Variants in FAM120B observed in about 807,000 individuals in gnomAD.
The protein encoded by FAM120B is family with sequence similarity 120 member B.
In FAM120B, 83 loss-of-function variants were observed where a neutral mutation model predicts 96.3. The observed-to-expected ratio is 0.86, with a 90% CI of 0.72 to 1.03. The LOEUF (loss-of-function observed/expected upper bound fraction) is 1.03, where lower values mean the gene tolerates loss of function less well. FAM120B is among the 50% of genes least tolerant of loss of function. The probability of loss-of-function intolerance (pLI) is 0.00; values close to 1 mark genes in which losing one functional copy is unlikely to be tolerated. For missense variants in FAM120B, 1,027 were observed against 1,121.2 expected, an observed-to-expected ratio of 0.92 and a Z score of 1.20; for synonymous variants, 407 against 402.7, an observed-to-expected ratio of 1.01 and a Z score of -0.13.
At position 170,317,573 on chromosome 6, in the gene FAM120B, T is replaced by C. The variant is rs1268925835; in HGVS notation, c.183T>C (p.Gly61=). 6.2e-7 allele frequency: 1 copy of C among 1,614,208 alleles called. No individual in the cohort carries two copies. The highest frequency in any genetic ancestry group is 1.1e-5 in the South Asian group (1 of 91,084). ...ATACTCCAGAATCTTGGATCTGCGG[T>C]GGCCAGTGGCGAGAATACTTTTCTG... is the stretch of plus-strand genomic sequence containing the variant. The part of the protein sequence containing the change: ...YWYTPESWIC[G]GQWREYFSAL... Residue 61 remains glycine, a synonymous_variant, in exon 2 of 11, where the codon GGT becomes GGC. Transcript: ENST00000476287.
intron 4 of FAM120B, among the ~76,000 whole-genome samples, chr6:170,332,515 T>C (rs1374393777): frequency 6.6e-6 from 1 of 152,166 alleles, no homozygotes; most frequent in African/African-American, 2.4e-5. Context: ...CTGGCTAACA[T>C]GGTGAAACCT....
chr6:170,401,543 G>A (rs116000860), intron 9 of FAM120B, among the ~76,000 whole-genome samples: 2,343 of 152,228 alleles, frequency 0.015, 63 homozygotes, highest in African/African-American at 0.053. Context: ...AGCAAAGGCC[G>A]CTGTCCCCTG....
At chr6:170,358,083 GGTGCCTGTGCGT>G (rs1406666799) in intron 5 of FAM120B, 131 bp from the exon 6 acceptor site, 2 of 655,130 alleles carry the variant, frequency 3.1e-6, no homozygotes, top group Admixed American at 2.4e-5. Flanking sequence ...TGCACATGTG[GGTGCCTGTGCGT>G]GTGCCTGTAC....
At chr6:170,366,232 A>G (rs1467247852) in intron 6 of FAM120B, among the ~76,000 whole-genome samples, 2 of 152,174 alleles carry the variant, frequency 1.3e-5, no homozygotes, top group East Asian at 1.9e-4. Flanking sequence ...AAGGGAAGCA[A>G]AGGCCTCCCC....
upstream of FAM120B, among the ~76,000 whole-genome samples, chr6:170,294,183 C>CGGCT (rs1470773647): frequency 6.6e-6 from 1 of 152,194 alleles, no homozygotes; most frequent in Non-Finnish European, 1.5e-5. This position sits in a 1 kb window ranked among gnomAD's most constrained non-coding sequence, Gnocchi z 7.9. Flanking sequence ...GTGTTGGCCC[C>CGGCT]GGCTGCCGGA....
chr6:170,330,872 C>T (rs192397108), intron 4 of FAM120B: 1 of 276,884 alleles, frequency 3.6e-6, no homozygotes, highest in African/African-American at 2.2e-5. Context: ...GCCGCAGCCC[C>T]AGTGCCTGAT....
At chr6:170,341,631 C>T (rs914032869) in intron 4 of FAM120B, among the ~76,000 whole-genome samples, 2 of 152,160 alleles carry the variant, frequency 1.3e-5, no homozygotes, top group Non-Finnish European at 2.9e-5. Context: ...GGTGTAGACA[C>T]ACAAGGGAAT....
At chr6:170,369,294 G>A (rs760418494) in intron 6 of FAM120B, among the ~76,000 whole-genome samples, 4 of 152,182 alleles carry the variant, frequency 2.6e-5, no homozygotes, top group Admixed American at 6.5e-5. Context: ...TTGTGGCTGC[G>A]TTTGAACCTA....
chr6:170,312,764 A>G (rs967125088), intron 1 of FAM120B, among the ~76,000 whole-genome samples: 13 of 152,196 alleles, frequency 8.5e-5, no homozygotes, highest in African/African-American at 1.7e-4. Context: ...ACTCAAGACT[A>G]TTGCAGTGAA....
Position 170,300,076 on chromosome 6 carries a change from G to A in FAM120B, c.48+4623G>A, listed in dbSNP as rs192079197. On this transcript the variant is annotated intron_variant, in intron 1 of 10. Transcript: ENST00000537664. Reference sequence around the variant, plus strand: ...TTTTTGTCTTTCCTAATTTTTGGACGGTCAATTGTTACCTGTATTAGTCTG... The same window carrying A: ...TTTTTGTCTTTCCTAATTTTTGGACAGTCAATTGTTACCTGTATTAGTCTG... Among the ~76,000 whole-genome samples the A allele has an allele frequency of 2.5e-3, 386 of 152,244 alleles. 3 individuals carry two copies. Among genetic ancestry groups the A allele is most frequent in the Non-Finnish European group, 4.1e-3 (279 of 68,022 alleles).
chr6:170,314,265 G>C (rs993967637), intron 1 of FAM120B, among the ~76,000 whole-genome samples: 3 of 152,220 alleles, frequency 2.0e-5, no homozygotes, highest in Non-Finnish European at 4.4e-5. Flanking sequence ...TGAGGGCAGT[G>C]ATTCTACTTT....
chr6:170,365,900 C>T (rs899863523), intron 6 of FAM120B, among the ~76,000 whole-genome samples: 1 of 152,126 alleles, frequency 6.6e-6, no homozygotes, highest in East Asian at 1.9e-4. Context: ...CCATCACCAT[C>T]GGGTGGGGTG....
intron 5 of FAM120B, among the ~76,000 whole-genome samples, chr6:170,349,411 C>T (rs1374070974): frequency 2.0e-5 from 3 of 152,164 alleles, no homozygotes; most frequent in African/African-American, 7.2e-5. Context: ...AAGAAATGTA[C>T]TCTTATTGTA....
rs562786584 is a variant in FAM120B, at chr6:170,331,370, T to C, written c.2017+820T>C. On this transcript the variant is annotated intron_variant, in intron 4 of 10. Coordinates refer to ENST00000476287, the MANE Select transcript of FAM120B (RefSeq NM_032448.3). ...TACTATTTTCCATGACATGAACGTG[T>C]AATTTACCAAGTACAGATCTGAGCA... Among the ~76,000 whole-genome samples the C allele has an allele frequency of 3.9e-5, 6 of 152,376 alleles. No homozygotes were observed. In the South Asian group the frequency reaches 1.2e-3, roughly 32 times the overall value.
Position 170,318,859 on chromosome 6 carries a change from A to G in FAM120B, c.1469A>G (p.Asp490Gly). The change falls in exon 2 of 11, where the codon GAC becomes GGC. Residue 490 changes from aspartate to glycine, a missense_variant. Asp to Gly is a moderately conservative substitution (Grantham distance 94, BLOSUM62 -1). Coordinates refer to ENST00000476287, the MANE Select transcript of FAM120B (RefSeq NM_032448.3). ...AGGCAAGAAGTTTTAATACGGACAG[A>G]CCCTGAATCTAGGCAAGAAATTATG... is the stretch of plus-strand genomic sequence containing the variant. ...ESRQEVLIRT[D>G]PESRQEIMCT... 6.2e-7 allele frequency: 1 copy of G among 1,614,196 alleles called. No homozygotes were observed. Among genetic ancestry groups the G allele is most frequent in the Non-Finnish European group, 8.5e-7 (1 of 1,180,034 alleles).
chr6:170,334,665 A>G (rs765545906), intron 4 of FAM120B, among the ~76,000 whole-genome samples: 20 of 152,124 alleles, frequency 1.3e-4, no homozygotes, highest in Non-Finnish European at 2.6e-4. Flanking sequence ...TGCCCCGACC[A>G]TTGCAGATCA....
rs1554286416 is a variant in FAM120B at position 170,361,216 on chromosome 6, A to ATG, written c.2283+2899_2283+2900insGT. On this transcript the variant is annotated intron_variant, in intron 6 of 10. Transcript: ENST00000476287. ...TATACGTGTATATATATATATATATATATATATATATATATATATACACGT... is the reference window on the plus strand; with the variant it reads ...TATACGTGTATATATATATATATATATGTATATATATATATATATATACACGT... Among the ~76,000 whole-genome samples the ATG allele has an allele frequency of 3.4e-3, 368 of 106,822 alleles. 13 individuals carry two copies. The highest frequency in any genetic ancestry group is 0.014 in the African/African-American group (357 of 26,050). The allele number at this position is 106,822 out of a possible 152,430, so 70.1% of individuals were successfully genotyped here. A position where few individuals can be genotyped will look rare whatever the true frequency, so the allele number is the denominator to read the frequency against.
At chr6:170,355,209 C>T (rs938723233) in intron 5 of FAM120B, among the ~76,000 whole-genome samples, 15 of 152,118 alleles carry the variant, frequency 9.9e-5, no homozygotes, top group African/African-American at 3.4e-4. Context: ...CCAGCAATCC[C>T]ATTATTGAAT....
chr6:170,400,149 T>C lies in FAM120B; in HGVS notation c.2693-4401T>C, dbSNP rs9460137. Among the ~76,000 whole-genome samples the C allele has an allele frequency of 6.6e-3, 972 of 147,866 alleles. 32 individuals are homozygous for C. Among genetic ancestry groups the C allele is most frequent in the African/African-American group, 0.024 (940 of 38,570 alleles). On this transcript the variant is annotated intron_variant, in intron 9 of 10. Coordinates refer to ENST00000476287, the MANE Select transcript of FAM120B (RefSeq NM_032448.3). Reference sequence around the variant, plus strand: ...AACCCTTAGGAGTGAGTGGGGAAGGTAGAACTATGTCATAACCCTTAGGAG... The same window carrying C: ...AACCCTTAGGAGTGAGTGGGGAAGGCAGAACTATGTCATAACCCTTAGGAG...
Sources: gnomAD v4.1 joint callset for allele counts (sites outside exome capture counted in the v4.1 genomes callset) on GRCh38, gnomAD v4.1.1 for gene constraint, Gnocchi (gnomAD v3.1) non-coding constraint, MANE v1.5 for transcripts, NCBI Gene and HGNC (gene_info 2026-07-23, HGNC 2026-07-21) for gene names.